Variants in TRUB1 observed in about 807,000 individuals in gnomAD.
TRUB1 encodes pseudouridylate synthase TRUB1.
A neutral mutation model predicts 33.9 loss-of-function variants in TRUB1; 23 were observed. That is an observed-to-expected ratio of 0.68 (90% confidence interval 0.49 to 0.96). The LOEUF (loss-of-function observed/expected upper bound fraction) is 0.96. TRUB1 is among the 40% of genes least tolerant of loss of function. The pLI, the probability that TRUB1 is intolerant of heterozygous loss-of-function variation, is 0.00. For synonymous variants in TRUB1, 163 were observed against 165.4 expected (o/e 0.99, Z 0.11); for missense variants, 378 against 422.2 (o/e 0.90, Z 0.92).
Position 114,938,308 on chromosome 10 carries a change from T to G in TRUB1, c.55T>G (p.Ser19Ala). 1 of 1,613,680 alleles carries G rather than the reference T, an allele frequency of 6.2e-7. No individual in the cohort carries two copies. Among genetic ancestry groups the G allele is most frequent in the Non-Finnish European group, 8.5e-7 (1 of 1,179,892 alleles). Reference sequence around the variant, plus strand: ...TTCGCCGTCTTTGAAAACAGACACATCCCCTGTCCTTGAAACTGCAGGAAC... The same window carrying G: ...TTCGCCGTCTTTGAAAACAGACACAGCCCCTGTCCTTGAAACTGCAGGAAC... ...VSSPSLKTDT[S>A]PVLETAGTVA... is the part of the protein sequence containing the mutation. Residue 19 changes from serine (S) to alanine (A), a missense_variant, in exon 1 of 8, where the codon TCC becomes GCC. Physicochemically the swap from Ser to Ala is moderately conservative, Grantham distance 99 (BLOSUM62 1). Coordinates refer to ENST00000298746, the MANE Select transcript of TRUB1 (RefSeq NM_139169.5).
rs1236130845 is a variant in TRUB1 at position 114,975,438 on chromosome 10, A to G, written c.*59A>G. The G allele has an allele frequency of 3.5e-6, 5 of 1,434,152 alleles. No individual in the cohort carries two copies. The African/African-American group carries it at 4.3e-5, about 12-fold the overall frequency. The allele number at this position is 1,434,152 out of a possible 1,614,324, so 88.8% of individuals were successfully genotyped here. On this transcript the variant is annotated 3_prime_UTR_variant, in exon 8 of 8. Transcript: ENST00000298746. ...ACATTTGAATCCTGTGTGCAGATGC[A>G]GAATGACAAGCTGCATTCAAAAGAC...
At chr10:114,974,224 A>G (rs535846355) in intron 6 of TRUB1, 105 bp from the exon 7 acceptor site, 51 of 791,492 alleles carry the variant, frequency 6.4e-5, no homozygotes, top group Non-Finnish European at 8.5e-5. Context: ...TTATCACTCA[A>G]TTGTTTGCAT....
At chr10:114,957,095 G>T (rs1189111085) in intron 3 of TRUB1, among the ~76,000 whole-genome samples, 1 of 152,168 alleles carries the variant, frequency 6.6e-6, no homozygotes, top group Non-Finnish European at 1.5e-5. Flanking sequence ...TCTAGCATGT[G>T]TATCATTCTG....
intron 2 of TRUB1, among the ~76,000 whole-genome samples, chr10:114,950,263 C>G (rs2084228492): frequency 6.6e-6 from 1 of 152,196 alleles, no homozygotes; most frequent in East Asian, 1.9e-4. Flanking sequence ...GAATCTGATA[C>G]ATGGTAAACT....
rs2084366882 is a variant in TRUB1 at position 114,977,479 on chromosome 10, T to G, written c.*2100T>G. ...ATTTAGTGAAATAATATGAAGAACT[T>G]TATGACTTATGTTTGCCTTATTGCA... is the stretch of plus-strand genomic sequence containing the variant. On this transcript the variant is annotated 3_prime_UTR_variant, in exon 8 of 8. Coordinates refer to ENST00000298746, the MANE Select transcript of TRUB1 (RefSeq NM_139169.5). The G allele has an allele frequency of 6.6e-6, 1 of 151,994 alleles. No homozygotes were observed. The highest frequency in any genetic ancestry group is 1.5e-5 in the Non-Finnish European group (1 of 67,910). The allele number at this position is 151,994 out of a possible 1,614,324, so 9.4% of individuals were successfully genotyped here. A position where few individuals can be genotyped will look rare whatever the true frequency, so the allele number is the denominator to read the frequency against.
intron 4 of TRUB1, among the ~76,000 whole-genome samples, chr10:114,962,632 C>T (rs759403962): frequency 2.0e-5 from 3 of 152,180 alleles, no homozygotes; most frequent in Non-Finnish European, 4.4e-5. Context: ...CAGCTGCCTT[C>T]AGTGGGTGGA....
chr10:114,960,970 G>T (rs1419547130), intron 4 of TRUB1, among the ~76,000 whole-genome samples: 1 of 152,042 alleles, frequency 6.6e-6, no homozygotes, highest in East Asian at 1.9e-4. Flanking sequence ...AGTAGTCCTG[G>T]GGTAATATAA....
intron 5 of TRUB1, 35 bp from the exon 6 acceptor site, chr10:114,972,100 C>G: frequency 6.2e-7 from 1 of 1,609,580 alleles, no homozygotes; most frequent in Non-Finnish European, 8.5e-7. Flanking sequence ...TCTTGCTCTC[C>G]TTTCCTTCCA....
chr10:114,967,901 A>G (rs1471962805), intron 4 of TRUB1, among the ~76,000 whole-genome samples: 2 of 152,186 alleles, frequency 1.3e-5, no homozygotes, highest in Non-Finnish European at 2.9e-5. Context: ...AGTAATTCAA[A>G]CATCAGATGG....
rs762368141 is a variant in TRUB1 at position 114,938,246 on chromosome 10, A to G, written c.-8A>G. The G allele has an allele frequency of 6.2e-7, 1 of 1,613,782 alleles. No individual in the cohort carries two copies. ...CTCCACGATGAAACAGGTCTGGGCTACAAAAGTATGGCCGCTTCTGAGGCG... is the reference window on the plus strand; with the variant it reads ...CTCCACGATGAAACAGGTCTGGGCTGCAAAAGTATGGCCGCTTCTGAGGCG... On this transcript the variant is annotated 5_prime_UTR_variant, in exon 1 of 8. Coordinates refer to ENST00000298746, the MANE Select transcript of TRUB1 (RefSeq NM_139169.5).
rs574167392 is a variant in TRUB1 at position 114,966,078 on chromosome 10, A to C, written c.524-4290A>C. Among the ~76,000 whole-genome samples the C allele has an allele frequency of 2.5e-3, 381 of 152,242 alleles. 1 individual carries two copies. The highest frequency in any genetic ancestry group is 4.3e-3 in the Non-Finnish European group (291 of 67,986). Reference sequence around the variant, plus strand: ...TATATAATTTTAAAAATTAATATACATTCACCTATAAAATCATAGCTATAA... The same window carrying C: ...TATATAATTTTAAAAATTAATATACCTTCACCTATAAAATCATAGCTATAA... On this transcript the variant is annotated intron_variant, in intron 4 of 7. Transcript: ENST00000298746.
At chr10:114,941,881 T>A (rs2084188790) in intron 1 of TRUB1, among the ~76,000 whole-genome samples, 1 of 152,062 alleles carries the variant, frequency 6.6e-6, no homozygotes. Flanking sequence ...GCCTCCCAGG[T>A]TCACACCATT....
Position 114,938,349 on chromosome 10 carries a change from T to A in TRUB1, c.96T>A (p.Ala32=), listed in dbSNP as rs755182213. 2 of 1,602,144 alleles carry A rather than the reference T, an allele frequency of 1.2e-6. No homozygotes were observed. The highest frequency in any genetic ancestry group is 2.3e-5 in the East Asian group (1 of 44,278). ...LETAGTVAAM[A]ATPSARAAAA... is the part of the protein sequence containing the mutation. ...CTGCAGGAACGGTCGCAGCAATGGC[T>A]GCGACCCCGTCAGCAAGGGCTGCAG... The change falls in exon 1 of 8, where the codon GCT becomes GCA. Residue 32 remains alanine, a synonymous_variant. Coordinates refer to ENST00000298746, the MANE Select transcript of TRUB1 (RefSeq NM_139169.5).
chr10:114,952,489 A>ATAGGTAGG, intron 3 of TRUB1, among the ~76,000 whole-genome samples: 1 of 115,264 alleles, frequency 8.7e-6, no homozygotes, highest in East Asian at 2.0e-4. Flanking sequence ...AGATAGGTAG[A>ATAGGTAGG]TAGGTAGGTA....
chr10:114,941,513 T>C (rs2084186579), intron 1 of TRUB1, among the ~76,000 whole-genome samples: 1 of 151,990 alleles, frequency 6.6e-6, no homozygotes, highest in South Asian at 2.1e-4. Flanking sequence ...AATTTTTGTA[T>C]TTTATTTTGG....
At chr10:114,945,525 T>A (rs2084207452) in intron 2 of TRUB1, among the ~76,000 whole-genome samples, 1 of 152,200 alleles carries the variant, frequency 6.6e-6, no homozygotes, top group Non-Finnish European at 1.5e-5. Flanking sequence ...AATAGTGATA[T>A]TCAAGGCAGT....
At chr10:114,959,693 G>A (rs1358441097) in intron 3 of TRUB1, 33 bp from the exon 4 acceptor site, 43 of 1,449,454 alleles carry the variant, frequency 3.0e-5, no homozygotes, top group Non-Finnish European at 3.9e-5. Context: ...TTTGCCTCAC[G>A]GCCCATTTTC....
chr10:114,939,776 C>T lies in TRUB1; in HGVS notation c.286+1237C>T, dbSNP rs1295797849. ...TCATCATAGTTTTTTAGTTTTCCTT[C>T]ATAGAACTGCTGCTTTCCTGATTTG... On this transcript the variant is annotated intron_variant, in intron 1 of 7. Transcript: ENST00000298746. 2.0e-5 allele frequency among the ~76,000 whole-genome samples: 3 copies of T among 150,612 alleles called. No individual in the cohort carries two copies. In the East Asian group the frequency reaches 5.8e-4, roughly 29 times the overall value.
intron 3 of TRUB1, among the ~76,000 whole-genome samples, chr10:114,953,627 A>G (rs1169656175): frequency 6.6e-6 from 1 of 152,224 alleles, no homozygotes; most frequent in East Asian, 1.9e-4. Context: ...AATTTTATCA[A>G]ACAACTTTGT....
Sources: gnomAD v4.1 joint callset for allele counts (sites outside exome capture counted in the v4.1 genomes callset) on GRCh38, gnomAD v4.1.1 for gene constraint, MANE v1.5 for transcripts, NCBI Gene and HGNC (gene_info 2026-07-23, HGNC 2026-07-21) for gene names.